Variants in RASGEF1B observed in about 807,000 individuals in gnomAD.
RASGEF1B encodes ras-GEF domain-containing family member 1B.
RASGEF1B carries 30 observed loss-of-function variants against 65.7 expected under a neutral mutation model. The ratio of observed to expected loss-of-function variants is 0.46; its 90% CI spans 0.34 to 0.62. The LOEUF (loss-of-function observed/expected upper bound fraction) is 0.62. Among genes scored for constraint, RASGEF1B ranks in the 20% least tolerant of loss-of-function variants. RASGEF1B has a pLI of 0.01. For missense variants in RASGEF1B, 495 were observed against 580.1 expected (o/e 0.85, Z 1.51); for synonymous variants, 175 against 194.8 (o/e 0.90, Z 0.85).
At chr4:81,464,843 G>A (rs1387563199) in intron 1 of RASGEF1B, among the ~76,000 whole-genome samples, 4 of 152,042 alleles carry the variant, frequency 2.6e-5, no homozygotes, top group Admixed American at 6.6e-5. Flanking sequence ...CCAGCACTTC[G>A]GGAGGCTGAG....
At position 81,459,470 on chromosome 4, in the gene RASGEF1B, G is replaced by C; in HGVS notation, c.39C>G (p.Ser13Arg). ...GATAGAGGTTTCGATTGTAACCACT[G>C]CTGTCAAACATTGCTGAAAAGGGAG... Reference protein sequence around the residue: ...QTPPFSAMFDSSGYNRNLYQS... With the variant: ...QTPPFSAMFDRSGYNRNLYQS... The change falls in exon 2 of 14, where the codon AGC (serine) becomes AGG (arginine). Residue 13 changes from serine to arginine, a missense_variant. Ser to Arg is a moderately radical substitution (Grantham distance 110). Transcript: ENST00000264400. 6.2e-7 allele frequency: 1 copy of C among 1,608,102 alleles called. No homozygotes were observed. Among genetic ancestry groups the C allele is most frequent in the South Asian group, 1.1e-5 (1 of 89,528 alleles).
intron 4 of RASGEF1B, chr4:81,452,340 C>T (rs1488595199): frequency 6.6e-6 from 1 of 152,240 alleles, no homozygotes; most frequent in Non-Finnish European, 1.5e-5. Context: ...GAACTCCCGA[C>T]TTCAGGTGAT....
intron 1 of RASGEF1B, 104 bp from the exon 2 acceptor site, chr4:81,459,618 G>A: frequency 2.3e-6 from 2 of 882,184 alleles, no homozygotes; most frequent in Non-Finnish European, 3.3e-6. Context: ...CGAGAGAATA[G>A]GCAATTAAAA....
intron 13 of RASGEF1B, 54 bp from the exon 14 acceptor site, chr4:81,427,846 T>G: frequency 6.4e-7 from 1 of 1,560,470 alleles, no homozygotes; most frequent in Non-Finnish European, 8.8e-7. Flanking sequence ...CTACTTGAAC[T>G]AGGATGAAAA....
At position 81,427,430 on chromosome 4, in the gene RASGEF1B, C is replaced by T; in HGVS notation, c.*338G>A. 1 of 281,908 alleles carries T rather than the reference C, an allele frequency of 3.5e-6. No individual in the cohort carries two copies. The highest frequency in any genetic ancestry group is 6.5e-6 in the Non-Finnish European group (1 of 153,106). The allele number at this position is 281,908 out of a possible 1,614,324, so 17.5% of individuals were successfully genotyped here. On this transcript the variant is annotated 3_prime_UTR_variant, in exon 14 of 14. Transcript: ENST00000264400. ...ATGTTCAACCAAATTAAAAAAAACACACACACACAAAAGAAAACTCCATCC... is the reference window on the plus strand; with the variant it reads ...ATGTTCAACCAAATTAAAAAAAACATACACACACAAAAGAAAACTCCATCC...
intron 13 of RASGEF1B, 96 bp from the exon 14 acceptor site, chr4:81,427,888 G>T: frequency 1.6e-6 from 2 of 1,233,878 alleles, no homozygotes; most frequent in Non-Finnish European, 2.2e-6. Flanking sequence ...TATCTTTCCT[G>T]TGTTTTAAGT....
intron 1 of RASGEF1B, among the ~76,000 whole-genome samples, chr4:81,460,642 G>A (rs1358402436): frequency 6.6e-6 from 1 of 152,210 alleles, no homozygotes; most frequent in African/African-American, 2.4e-5. Flanking sequence ...CAGCTGATGG[G>A]TACACAGAGC....
intron 13 of RASGEF1B, among the ~76,000 whole-genome samples, chr4:81,429,757 C>T (rs1032817590): frequency 3.9e-5 from 6 of 152,286 alleles, no homozygotes; most frequent in Middle Eastern, 3.4e-3. Context: ...GATGCCAGCA[C>T]GCAGGACAGA....
chr4:81,454,879 A>C (rs1722390140), intron 4 of RASGEF1B: 1 of 152,250 alleles, frequency 6.6e-6, no homozygotes, highest in Non-Finnish European at 1.5e-5. Flanking sequence ...AGCTAGCCTT[A>C]CATAATTTTA....
intron 1 of RASGEF1B, among the ~76,000 whole-genome samples, chr4:81,469,414 C>T (rs1722949972): frequency 6.6e-6 from 1 of 152,128 alleles, no homozygotes; most frequent in Non-Finnish European, 1.5e-5. Flanking sequence ...CAAAGCTGAT[C>T]CCAACACTCC....
rs757630018 is a variant in RASGEF1B at position 81,445,766 on chromosome 4, A to G, written c.802T>C (p.Leu268=). Residue 268 remains leucine (L), a synonymous_variant, in exon 7 of 14, where the codon TTG becomes CTG. Transcript: ENST00000264400. ...ACCATACAGATTTCTGTAGCAACCA[A>G]GTAGCTGAGGCGATTAAACCATTCC... ...YVEWFNRLSY[L]VATEICMPVK... 2 of 1,613,916 alleles carry G rather than the reference A, an allele frequency of 1.2e-6. No individual in the cohort carries two copies. The highest frequency in any genetic ancestry group is 1.3e-5 in the African/African-American group (1 of 75,044).
At chr4:81,440,731 A>T in intron 10 of RASGEF1B, 103 bp downstream of exon 10, 1 of 700,040 alleles carries the variant, frequency 1.4e-6, no homozygotes, top group Non-Finnish European at 2.5e-6. Flanking sequence ...TCTCTCTCTT[A>T]AATCTTAACA....
chr4:81,432,608 G>T (rs1035007), intron 12 of RASGEF1B, among the ~76,000 whole-genome samples: 65,269 of 151,886 alleles, frequency 0.43, 16,609 homozygotes, highest in African/African-American at 0.72. Context: ...AATTACCTAA[G>T]AATGTATAAG....
intron 13 of RASGEF1B, among the ~76,000 whole-genome samples, 156 bp from the exon 14 acceptor site, chr4:81,427,948 C>CT (rs1721285242): frequency 6.6e-6 from 1 of 151,938 alleles, no homozygotes; most frequent in Non-Finnish European, 1.5e-5. Context: ...CTTTTAAGTC[C>CT]TATTGGCTCT....
chr4:81,456,144 A>G (rs1425383851), intron 4 of RASGEF1B: 4 of 228,440 alleles, frequency 1.8e-5, no homozygotes, highest in African/African-American at 9.1e-5. Flanking sequence ...ATACCACAGC[A>G]GTCCTGTCCT....
At chr4:81,467,607 A>G (rs779738506) in intron 1 of RASGEF1B, among the ~76,000 whole-genome samples, 3 of 152,324 alleles carry the variant, frequency 2.0e-5, no homozygotes, top group Middle Eastern at 3.4e-3. Flanking sequence ...TCTTTCAAAG[A>G]GTTGGCACTT....
At chr4:81,446,796 T>C (rs1722039237) in intron 6 of RASGEF1B, among the ~76,000 whole-genome samples, 1 of 152,194 alleles carries the variant, frequency 6.6e-6, no homozygotes, top group East Asian at 1.9e-4. Flanking sequence ...AAGAGTCCAC[T>C]AGCCTTCTAC....
intron 10 of RASGEF1B, 106 bp from the exon 11 acceptor site, chr4:81,434,840 G>C (rs1333277881): frequency 1.5e-6 from 1 of 667,580 alleles, no homozygotes; most frequent in East Asian, 2.7e-5. Flanking sequence ...TATATGAAAG[G>C]CCACAAAGAA....
chr4:81,432,529 G>A (rs1213184829), intron 12 of RASGEF1B, among the ~76,000 whole-genome samples, 158 bp from the exon 13 acceptor site: 1 of 152,124 alleles, frequency 6.6e-6, no homozygotes, highest in East Asian at 1.9e-4. Flanking sequence ...GAAGAACACA[G>A]AATATCACTT....
Sources: allele counts gnomAD v4.1 joint callset (sites outside exome capture counted in the v4.1 genomes callset), GRCh38; gene constraint gnomAD v4.1.1; transcripts MANE v1.5; gene names NCBI Gene and HGNC (gene_info 2026-07-23, HGNC 2026-07-21).